The following DLK1 variants were observed in gnomAD, a reference collection of about 807,000 sequenced individuals.
DLK1 encodes delta like non-canonical Notch ligand 1.
A neutral mutation model predicts 35.2 loss-of-function variants in DLK1; 9 were observed. The ratio of observed to expected loss-of-function variants is 0.26; its 90% CI spans 0.15 to 0.45. The LOEUF is 0.45. Ranked by LOEUF, DLK1 falls within the 20% of genes least tolerant of loss-of-function variation. The pLI is 1.00. For missense variants in DLK1, 522 were observed against 528.5 expected, an observed-to-expected ratio of 0.99 and a Z score of 0.12; for synonymous variants, 231 against 228.4, an observed-to-expected ratio of 1.01 and a Z score of -0.10.
chr14:100,729,469 A>G (rs986076540), intron 3 of DLK1, among the ~76,000 whole-genome samples: 17 of 151,444 alleles, frequency 1.1e-4, no homozygotes, highest in African/African-American at 3.9e-4. Flanking sequence ...AGAAAAGCAC[A>G]CGCAAGACTG....
chr14:100,730,428 C>T (rs913510885), intron 3 of DLK1, among the ~76,000 whole-genome samples: 1 of 152,202 alleles, frequency 6.6e-6, no homozygotes, highest in African/African-American at 2.4e-5. Flanking sequence ...ACAAAGGCAG[C>T]CAGCTTGGGG....
intron 2 of DLK1, 170 bp downstream of exon 2, chr14:100,728,629 G>GC (rs1449211319): frequency 1.2e-5 from 3 of 253,248 alleles, no homozygotes; most frequent in African/African-American, 2.7e-5. Context: ...GGGGGCGGGG[G>GC]GGGGGCAGCC....
At chr14:100,730,456 G>T (rs1214959996) in intron 3 of DLK1, among the ~76,000 whole-genome samples, 1 of 152,188 alleles carries the variant, frequency 6.6e-6, no homozygotes, top group East Asian at 1.9e-4. Flanking sequence ...GAGAGTCTGG[G>T]GTCCCAGAGA....
rs1156365565 is a variant in DLK1, at chr14:100,732,057, C to T, written c.278C>T (p.Ser93Phe). 1.9e-6 allele frequency: 3 copies of T among 1,613,662 alleles called. No homozygotes were observed. The highest frequency in any genetic ancestry group is 1.7e-6 in the Non-Finnish European group (2 of 1,179,742). Residue 93 changes from serine (S) to phenylalanine (F), a missense_variant, in exon 4 of 5, where the codon TCC becomes TTC. Coordinates refer to ENST00000341267, the MANE Select transcript of DLK1 (RefSeq NM_003836.7). Reference protein sequence around the residue: ...ELCDRDVRACSSAPCANNRTC... With the variant: ...ELCDRDVRACFSAPCANNRTC... ...CACCCCGCAGATGTTCGGGCCTGCT[C>T]CTCGGCCCCCTGTGCCAACAACAGG...
rs1351565042 is a variant in DLK1 at position 100,734,477 on chromosome 14, G to A, written c.733G>A (p.Val245Ile). The A allele has an allele frequency of 6.2e-7, 1 of 1,611,610 alleles. No individual in the cohort carries two copies. The highest frequency in any genetic ancestry group is 1.7e-5 in the Admixed American group (1 of 59,980). ...CKPEFTGLTC[V>I]KKRALSPQQV... ...GCCCGAGTTCACAGGTCTCACCTGT[G>A]TCAAGAAGCGCGCGCTGAGCCCCCA... Residue 245 changes from valine to isoleucine, a missense_variant, in exon 5 of 5, where the codon GTC (valine) becomes ATC (isoleucine). Val to Ile is a conservative substitution (Grantham distance 29, BLOSUM62 3). Transcript: ENST00000341267. The surrounding 1 kb of genome is among the most constrained non-coding windows in gnomAD (Gnocchi z 7.4).
Position 100,726,911 on chromosome 14 carries a change from CGGT to C in DLK1, c.-155_-153del, listed in dbSNP as rs1474617374. 5 of 556,826 alleles carry C rather than the reference CGGT, an allele frequency of 9.0e-6. No homozygotes were observed. Among genetic ancestry groups the C allele is most frequent in the Non-Finnish European group, 1.0e-5 (4 of 385,350 alleles). The allele number at this position is 556,826 out of a possible 1,614,324, so 34.5% of individuals were successfully genotyped here. A position where few individuals can be genotyped will look rare whatever the true frequency, so the allele number is the denominator to read the frequency against. On this transcript the variant is annotated 5_prime_UTR_variant, in exon 1 of 5. Transcript: ENST00000341267. This position sits in a 1 kb window ranked among gnomAD's most constrained non-coding sequence, Gnocchi z 4.2. ...GGCGGCGGCAGCTCCCCGGCAGCGGCGGTGGAGAGCGCAGCGCGCAGCCCGGTG... is the reference window on the plus strand; with the variant it reads ...GGCGGCGGCAGCTCCCCGGCAGCGGCGGAGAGCGCAGCGCGCAGCCCGGTG...
chr14:100,728,573 T>A, intron 2 of DLK1, 114 bp downstream of exon 2: 1 of 795,698 alleles, frequency 1.3e-6, no homozygotes, highest in Non-Finnish European at 1.8e-6. Context: ...AGCAAACAGC[T>A]TCCGGGCCCC....
intron 2 of DLK1, 34 bp downstream of exon 2, chr14:100,728,493 G>A (rs1474033653): frequency 6.2e-7 from 1 of 1,612,050 alleles, no homozygotes; most frequent in African/African-American, 1.3e-5. Context: ...CAGCTTGTAG[G>A]GGCCACGCAG....
At chr14:100,732,887 G>C (rs896458633) in intron 4 of DLK1, among the ~76,000 whole-genome samples, 1 of 152,224 alleles carries the variant, frequency 6.6e-6, no homozygotes, top group African/African-American at 2.4e-5. Context: ...GATCTTGACA[G>C]AGGCAGGGTC....
intron 2 of DLK1, 180 bp from the exon 3 acceptor site, chr14:100,728,756 C>A: frequency 2.2e-6 from 2 of 929,120 alleles, no homozygotes; most frequent in Non-Finnish European, 3.3e-6. Flanking sequence ...GCCCCCTCAG[C>A]TTGGCATGTT....
chr14:100,731,913 G>A (rs994060748), intron 3 of DLK1, 129 bp from the exon 4 acceptor site: 2 of 1,174,392 alleles, frequency 1.7e-6, no homozygotes, highest in African/African-American at 1.6e-5. Context: ...TTTTTGAGGG[G>A]GCTCCCTAAA....
intron 4 of DLK1, among the ~76,000 whole-genome samples, chr14:100,733,494 G>C (rs572171727): frequency 6.6e-6 from 1 of 152,272 alleles, no homozygotes; most frequent in Non-Finnish European, 1.5e-5. Flanking sequence ...TTGTGCCACC[G>C]TAGACAGACC....
chr14:100,729,627 A>G (rs2036485418), intron 3 of DLK1, among the ~76,000 whole-genome samples: 1 of 152,164 alleles, frequency 6.6e-6, no homozygotes. Context: ...CAGTTGGGAA[A>G]AGCTGAGAAA....
intron 3 of DLK1, 174 bp downstream of exon 3, chr14:100,729,240 C>CCTTTATTTTG: frequency 8.7e-7 from 1 of 1,150,052 alleles, no homozygotes; most frequent in Non-Finnish European, 1.3e-6. Flanking sequence ...CCGAATGCCT[C>CCTTTATTTTG]CTCAGAGGTA....
chr14:100,729,872 C>T lies in DLK1; in HGVS notation c.262+806C>T, dbSNP rs544065138. ...CTCAGGGCCCCTGTCCCTCAGTCCCCAACATTAGTAAAGACGGTACAGATA... is the reference window on the plus strand; with the variant it reads ...CTCAGGGCCCCTGTCCCTCAGTCCCTAACATTAGTAAAGACGGTACAGATA... On this transcript the variant is annotated intron_variant, in intron 3 of 4. Coordinates refer to ENST00000341267, the MANE Select transcript of DLK1 (RefSeq NM_003836.7). Among the ~76,000 whole-genome samples the T allele has an allele frequency of 4.1e-4, 63 of 152,252 alleles. 1 individual carries two copies. The South Asian group carries it at 0.012, about 28-fold the overall frequency.
chr14:100,728,732 G>GC (rs965593215), intron 2 of DLK1: 31 of 775,102 alleles, frequency 4.0e-5, no homozygotes, highest in Middle Eastern at 7.6e-4. Flanking sequence ...GGATCTCGGG[G>GC]CCCCTCCAAG....
At chr14:100,729,205 T>C in intron 3 of DLK1, 139 bp downstream of exon 3, 1 of 1,460,318 alleles carries the variant, frequency 6.8e-7, no homozygotes, top group Non-Finnish European at 9.3e-7. Flanking sequence ...ATTCTAAAGA[T>C]CTGTTTATAA....
rs1331291945 is a variant in DLK1 at position 100,734,726 on chromosome 14, A to T, written c.982A>T (p.Asn328Tyr). The T allele has an allele frequency of 6.2e-7, 1 of 1,614,086 alleles. No individual in the cohort carries two copies. The highest frequency in any genetic ancestry group is 8.5e-7 in the Non-Finnish European group (1 of 1,180,030). The change falls in exon 5 of 5, where the codon AAC becomes TAC. Residue 328 changes from asparagine to tyrosine, a missense_variant. By Grantham distance (143) the Asn-to-Tyr change is moderately radical. Transcript: ENST00000341267. The surrounding 1 kb of genome is among the most constrained non-coding windows in gnomAD (Gnocchi z 7.4). ...VLGTVGIVFL[N>Y]KCETWVSNLR... The stretch of plus-strand genomic sequence containing the variant: ...GGGCACTGTGGGTATCGTCTTCCTC[A>T]ACAAGTGCGAGACCTGGGTGTCCAA...
At chr14:100,730,114 C>G (rs1389797147) in intron 3 of DLK1, among the ~76,000 whole-genome samples, 1 of 152,170 alleles carries the variant, frequency 6.6e-6, no homozygotes, top group African/African-American at 2.4e-5. Context: ...AGCTGAGCTC[C>G]CTCCCACCCC....
Sources: allele counts gnomAD v4.1 joint callset (sites outside exome capture counted in the v4.1 genomes callset), GRCh38; gene constraint gnomAD v4.1.1; non-coding constraint Gnocchi (gnomAD v3.1); transcripts MANE v1.5; gene names NCBI Gene and HGNC (gene_info 2026-07-23, HGNC 2026-07-21).